Variants in PCDHA2 observed in about 807,000 individuals in gnomAD.
The protein encoded by PCDHA2 is protocadherin alpha-2.
In PCDHA2, 58 loss-of-function variants were observed where a neutral mutation model predicts 66.0. The observed-to-expected ratio is 0.88, with a 90% CI of 0.71 to 1.09. PCDHA2 has a LOEUF of 1.09. Among genes scored for constraint, PCDHA2 ranks in the 50% least tolerant of loss-of-function variants. The pLI, the probability that PCDHA2 is intolerant of heterozygous loss-of-function variation, is 0.00. For synonymous variants in PCDHA2, 634 were observed against 554.0 expected (o/e 1.14, Z -2.03); for missense variants, 1,267 against 1,242.3 (o/e 1.02, Z -0.30).
In PCDHA2 at chr5:140,869,551, T is replaced by A. The variant is rs570153514; in HGVS notation, c.2388+72199T>A. On this transcript the variant is annotated intron_variant, in intron 1 of 3. Coordinates refer to ENST00000526136, the MANE Select transcript of PCDHA2 (RefSeq NM_018905.3). ...GATTGCGGAATCTAAGCAATCGGAC[T>A]CGCGTTTTCCACTAGAGGGAGCTTC... 3.1e-6 allele frequency: 5 copies of A among 1,614,218 alleles called. No individual in the cohort carries two copies. The East Asian group carries it at 6.7e-5, about 22-fold the overall frequency.
chr5:140,855,410 T>A (rs2043456249), intron 1 of PCDHA2, among the ~76,000 whole-genome samples: 1 of 149,998 alleles, frequency 6.7e-6, no homozygotes, highest in Admixed American at 6.7e-5. Context: ...TTGAAGCTAA[T>A]GATCTCTAAA....
intron 1 of PCDHA2, chr5:140,927,767 A>G (rs2084615997): frequency 6.2e-7 from 1 of 1,614,176 alleles, no homozygotes. Context: ...AAAAGTGGGG[A>G]GGTGCAAGTA....
At chr5:140,971,435 T>A (rs1188604248) in intron 1 of PCDHA2, among the ~76,000 whole-genome samples, 1 of 152,190 alleles carries the variant, frequency 6.6e-6, no homozygotes, top group Non-Finnish European at 1.5e-5. Flanking sequence ...AACCCCAAGA[T>A]CTACAGCTCC....
At position 140,807,209 on chromosome 5, in the gene PCDHA2, G is replaced by A. The variant is rs782421232; in HGVS notation, c.2388+9857G>A. On this transcript the variant is annotated intron_variant, in intron 1 of 3. Transcript: ENST00000526136. ...AAAGATGGAGTTTTCCTGGGGAAGC[G>A]GCCAGGAATCCCGGCGTCTGCTGCT... 2.2e-5 allele frequency: 36 copies of A among 1,613,838 alleles called. No individual in the cohort carries two copies. Among genetic ancestry groups the A allele is most frequent in the Non-Finnish European group, 3.1e-5 (36 of 1,179,840 alleles).
rs181377286 is a variant in PCDHA2 at position 140,886,682 on chromosome 5, G to C, written c.2388+89330G>C. Among the ~76,000 whole-genome samples, 463 of 151,736 alleles carry C rather than the reference G, an allele frequency of 3.1e-3. 3 individuals carry two copies. Among genetic ancestry groups the C allele is most frequent in the Middle Eastern group, 0.014 (4 of 294 alleles). The stretch of plus-strand genomic sequence containing the variant: ...CTCTACTAAAAATACAAAAATTAGC[G>C]AGGCATGGTGGCACGCGCCTGTAAT... On this transcript the variant is annotated intron_variant, in intron 1 of 3. Coordinates refer to ENST00000526136, the MANE Select transcript of PCDHA2 (RefSeq NM_018905.3).
chr5:140,920,841 TAA>T (rs781921146), intron 1 of PCDHA2, among the ~76,000 whole-genome samples: 15 of 109,130 alleles, frequency 1.4e-4, no homozygotes, highest in Admixed American at 1.9e-4. Flanking sequence ...AGACCAAATC[TAA>T]AAAAAAAAAA....
At chr5:140,943,717 T>A (rs1269511670) in intron 1 of PCDHA2, among the ~76,000 whole-genome samples, 1 of 152,108 alleles carries the variant, frequency 6.6e-6, no homozygotes, top group Non-Finnish European at 1.5e-5. Context: ...CATTTAAAGG[T>A]CTGAGAGAAT....
rs782366591 is a variant in PCDHA2 at position 140,795,729 on chromosome 5, G to A, written c.765G>A (p.Thr255=). The change falls in exon 1 of 4, where the codon ACG becomes ACA. Residue 255 remains threonine, a synonymous_variant. Coordinates refer to ENST00000526136, the MANE Select transcript of PCDHA2 (RefSeq NM_018905.3). The stretch of plus-strand genomic sequence containing the variant: ...ACAAAGTAAAATTGTTAGAGAATAC[G>A]GCAAATGGGACCTTAGTGGTTAAGT... The part of the protein sequence containing the change: ...SVYKVKLLEN[T]ANGTLVVKLN... 1.2e-6 allele frequency: 2 copies of A among 1,613,980 alleles called. No homozygotes were observed. Among genetic ancestry groups the A allele is most frequent in the South Asian group, 2.2e-5 (2 of 91,058 alleles).
intron 1 of PCDHA2, chr5:140,830,439 T>G: frequency 6.2e-7 from 1 of 1,611,160 alleles, no homozygotes; most frequent in Non-Finnish European, 8.5e-7. Context: ...CCTATTATGA[T>G]GGGTAAGGCG....
intron 1 of PCDHA2, among the ~76,000 whole-genome samples, chr5:140,945,952 G>A (rs2093866662): frequency 6.6e-6 from 1 of 151,910 alleles, no homozygotes; most frequent in African/African-American, 2.4e-5. Context: ...ATATGACCCT[G>A]AAAGCACAGG....
At chr5:140,890,700 A>T (rs1265643590) in intron 1 of PCDHA2, among the ~76,000 whole-genome samples, 1 of 152,214 alleles carries the variant, frequency 6.6e-6, no homozygotes, top group East Asian at 1.9e-4. Context: ...CAGGGACCTT[A>T]CATTTTTAAA....
At chr5:140,871,313 C>T (rs371295919) in intron 1 of PCDHA2, 2 of 1,614,042 alleles carry the variant, frequency 1.2e-6, no homozygotes, top group Non-Finnish European at 1.7e-6. Flanking sequence ...GGGAAGCCCA[C>T]GCTGGTGTGC....
chr5:141,005,339 T>C (rs920058303), intron 3 of PCDHA2, among the ~76,000 whole-genome samples: 5 of 151,926 alleles, frequency 3.3e-5, no homozygotes, highest in African/African-American at 9.7e-5. Context: ...GCCAAGGGGG[T>C]GCTGCTTGGC....
At chr5:140,884,622 GAAC>G (rs1562808706) in intron 1 of PCDHA2, 7 of 1,613,830 alleles carry the variant, frequency 4.3e-6, no homozygotes, top group Non-Finnish European at 5.9e-6. Flanking sequence ...TCTGCAGAGG[GAAC>G]AGGCCAGAGG....
At chr5:140,821,936 A>G (rs1197810699) in intron 1 of PCDHA2, 1 of 1,614,162 alleles carries the variant, frequency 6.2e-7, no homozygotes, top group Non-Finnish European at 8.5e-7. Flanking sequence ...CTAGGGCTGG[A>G]GCTGGCGGAG....
chr5:140,807,639 G>T (rs1360812183), intron 1 of PCDHA2: 5 of 1,614,070 alleles, frequency 3.1e-6, no homozygotes, highest in Non-Finnish European at 4.2e-6. Flanking sequence ...CTTGACTCTC[G>T]GTTTCCACTA....
chr5:140,921,002 C>T (rs909094860), intron 1 of PCDHA2, among the ~76,000 whole-genome samples: 4 of 151,934 alleles, frequency 2.6e-5, no homozygotes, highest in Admixed American at 6.6e-5. Context: ...TTTTCAGAGT[C>T]AGGGTCTTGC....
rs59860837 is a variant in PCDHA2 at position 141,005,701 on chromosome 5, C to CAAAAA, written c.2537-3900_2537-3896dup. 5.2e-3 allele frequency among the ~76,000 whole-genome samples: 40 copies of CAAAAA among 7,764 alleles called. 2 individuals are homozygous for CAAAAA. Among genetic ancestry groups the CAAAAA allele is most frequent in the East Asian group, 0.013 (4 of 312 alleles). The allele number at this position is 7,764 out of a possible 152,430, so 5.1% of individuals were successfully genotyped here. On this transcript the variant is annotated intron_variant, in intron 3 of 3. Coordinates refer to ENST00000526136, the MANE Select transcript of PCDHA2 (RefSeq NM_018905.3). ...TGGGCGACAGAGCGAAACTCCGTCT[C>CAAAAA]AAAAAAAAAAAAAAAAAAAAAAAAA...
intron 1 of PCDHA2, chr5:140,857,719 G>A (rs781995177): frequency 6.3e-7 from 1 of 1,597,526 alleles, no homozygotes. Flanking sequence ...TGCTGGACGA[G>A]AACGACAACG....
Sources: allele counts gnomAD v4.1 joint callset (sites outside exome capture counted in the v4.1 genomes callset), GRCh38; gene constraint gnomAD v4.1.1; transcripts MANE v1.5; gene names NCBI Gene and HGNC (gene_info 2026-07-23, HGNC 2026-07-21).